Variants in STAT5B observed in about 807,000 individuals in gnomAD.
STAT5B encodes signal transducer and activator of transcription 5B.
In STAT5B, 21 loss-of-function variants were observed where a neutral mutation model predicts 107.8. The ratio of observed to expected loss-of-function variants is 0.19; its 90% CI spans 0.14 to 0.28. The LOEUF (loss-of-function observed/expected upper bound fraction) is 0.28, where lower values mean the gene tolerates loss of function less well. STAT5B is among the 10% of genes least tolerant of loss of function. The probability of loss-of-function intolerance (pLI) is 1.00; values close to 1 mark genes in which losing one functional copy is unlikely to be tolerated. For synonymous variants in STAT5B, 325 were observed against 401.7 expected (o/e 0.81, Z 2.28); for missense variants, 565 against 1,008.2 (o/e 0.56, Z 5.95).
At chr17:42,258,718 T>C (rs1216346755) in intron 1 of STAT5B, among the ~76,000 whole-genome samples, 1 of 152,156 alleles carries the variant, frequency 6.6e-6, no homozygotes, top group Non-Finnish European at 1.5e-5. Context: ...ATAAACTAAG[T>C]AGGAAGTGGC....
chr17:42,222,206 G>A (rs1317770198), intron 5 of STAT5B, among the ~76,000 whole-genome samples: 1 of 151,834 alleles, frequency 6.6e-6, no homozygotes, highest in African/African-American at 2.4e-5. Flanking sequence ...TGTGCTGTGT[G>A]TGTGTGTGTT....
At position 42,203,917 on chromosome 17, in the gene STAT5B, G is replaced by A. The variant is rs143361356; in HGVS notation, c.2078-1109C>T. On this transcript the variant is annotated intron_variant, in intron 16 of 18. Coordinates refer to ENST00000293328, the MANE Select transcript of STAT5B (RefSeq NM_012448.4). Reference sequence around the variant, plus strand: ...GCTGAGATTACAGGTGTGAGCCACGGTGCCTGGCCATCACCGGAGGTTTTC... The same window carrying A: ...GCTGAGATTACAGGTGTGAGCCACGATGCCTGGCCATCACCGGAGGTTTTC... 1.7e-3 allele frequency among the ~76,000 whole-genome samples: 251 copies of A among 152,086 alleles called. 2 individuals carry two copies. The highest frequency in any genetic ancestry group is 5.8e-3 in the African/African-American group (241 of 41,482).
At chr17:42,210,377 G>C (rs1161222848) in intron 14 of STAT5B, 26 bp downstream of exon 14, 1 of 1,614,108 alleles carries the variant, frequency 6.2e-7, no homozygotes, top group Admixed American at 1.7e-5. Context: ...GACTCTGTCG[G>C]CGCCTTAAGA....
chr17:42,239,022 G>A (rs1361288495), intron 1 of STAT5B, among the ~76,000 whole-genome samples: 1 of 151,634 alleles, frequency 6.6e-6, no homozygotes, highest in African/African-American at 2.4e-5. Flanking sequence ...GGCCGAGGTG[G>A]GTGGATCATG....
chr17:42,222,801 C>A (rs1247068507), intron 5 of STAT5B, among the ~76,000 whole-genome samples: 2 of 151,950 alleles, frequency 1.3e-5, no homozygotes, highest in South Asian at 2.1e-4. Flanking sequence ...CTTGCCTCAG[C>A]CTCCCAAGTA....
At chr17:42,279,783 A>G (rs1209872159), upstream of STAT5B, among the ~76,000 whole-genome samples, 1 of 151,624 alleles carries the variant, frequency 6.6e-6, no homozygotes, top group Non-Finnish European at 1.5e-5. Context: ...CCTGGGCAGC[A>G]AGAGCAAAAC....
Position 42,206,381 on chromosome 17 carries a change from C to T in STAT5B, c.2077+1177G>A, listed in dbSNP as rs1426142122. ...CTGGGATTACAGGCATGAGCCACCGCGCCCGGCCTGAATATGTTTCCTTGT... is the reference window on the plus strand; with the variant it reads ...CTGGGATTACAGGCATGAGCCACCGTGCCCGGCCTGAATATGTTTCCTTGT... On this transcript the variant is annotated intron_variant, in intron 16 of 18. Coordinates refer to ENST00000293328, the MANE Select transcript of STAT5B (RefSeq NM_012448.4). Among the ~76,000 whole-genome samples, 12 of 151,998 alleles carry T rather than the reference C, an allele frequency of 7.9e-5. No individual in the cohort carries two copies. In the South Asian group the frequency reaches 8.3e-4, roughly 11 times the overall value.
the STAT5B span, among the ~76,000 whole-genome samples, chr17:42,285,176 G>A: frequency 1.3e-5 from 2 of 150,362 alleles, no homozygotes; most frequent in Non-Finnish European, 3.0e-5. Flanking sequence ...TGCAACCTCC[G>A]CCTCCTGTGT....
intron 5 of STAT5B, among the ~76,000 whole-genome samples, chr17:42,222,203 T>C (rs2080235828): frequency 6.6e-6 from 1 of 150,658 alleles, no homozygotes; most frequent in Admixed American, 6.6e-5. Context: ...GTGTGTGCTG[T>C]GTGTGTGTGT....
In STAT5B at chr17:42,245,073, A is replaced by ATTTTTT. The variant is rs745914040; in HGVS notation, c.-10-12942_-10-12937dup. ...GGCATCTGCCACCAATGCCTGGCTA[A>ATTTTTT]TTTTTTTTTTTTTTTTTTTTTTGAG... On this transcript the variant is annotated intron_variant, in intron 1 of 18. Transcript: ENST00000293328. Among the ~76,000 whole-genome samples the ATTTTTT allele has an allele frequency of 4.0e-4, 42 of 105,500 alleles. 1 individual carries two copies. The highest frequency in any genetic ancestry group is 1.6e-3 in the African/African-American group (39 of 24,614). 69.2% of individuals were successfully genotyped at this position (105,500 alleles called of 152,430 possible). A position where few individuals can be genotyped will look rare whatever the true frequency, so the allele number is the denominator to read the frequency against.
chr17:42,207,199 T>C (rs1436436908), intron 16 of STAT5B, among the ~76,000 whole-genome samples: 1 of 152,166 alleles, frequency 6.6e-6, no homozygotes, highest in Non-Finnish European at 1.5e-5. Context: ...CCTTTATGTG[T>C]CTTCTGAAAA....
chr17:42,272,842 C>A (rs1206556789), intron 1 of STAT5B, among the ~76,000 whole-genome samples: 1 of 151,998 alleles, frequency 6.6e-6, no homozygotes, highest in Non-Finnish European at 1.5e-5. Flanking sequence ...AGTAATAAAA[C>A]GTCACTTCAA....
At chr17:42,286,557 C>T in the STAT5B span, among the ~76,000 whole-genome samples, 1 of 152,158 alleles carries the variant, frequency 6.6e-6, no homozygotes, top group South Asian at 2.1e-4. Context: ...CCTCTGCAGG[C>T]CCTGGAGGAG....
At chr17:42,283,269 G>A in the STAT5B span, among the ~76,000 whole-genome samples, 1 of 152,158 alleles carries the variant, frequency 6.6e-6, no homozygotes, top group African/African-American at 2.4e-5. Flanking sequence ...CCAGGACAGT[G>A]CCAATTCCAC....
intron 1 of STAT5B, among the ~76,000 whole-genome samples, chr17:42,273,806 CA>C (rs2080740927): frequency 6.6e-6 from 1 of 151,432 alleles, no homozygotes; most frequent in African/African-American, 2.5e-5. Context: ...ATAAGCCTAA[CA>C]AAAATTACAG....
intron 7 of STAT5B, 25 bp from the exon 8 acceptor site, chr17:42,218,903 A>G (rs2080198295): frequency 1.2e-6 from 2 of 1,613,716 alleles, no homozygotes; most frequent in South Asian, 2.2e-5. Context: ...CAAGGCCAAC[A>G]GGAGGACAAT....
At chr17:42,228,248 T>A (rs1436027451) in intron 2 of STAT5B, among the ~76,000 whole-genome samples, 1 of 152,182 alleles carries the variant, frequency 6.6e-6, no homozygotes, top group Non-Finnish European at 1.5e-5. Flanking sequence ...AGTCAGACAT[T>A]CATGTCACTA....
intron 6 of STAT5B, 93 bp from the exon 7 acceptor site, chr17:42,219,556 C>T: frequency 8.5e-7 from 1 of 1,171,246 alleles, no homozygotes; most frequent in Non-Finnish European, 1.2e-6. Context: ...CAGGCCGTTC[C>T]CTCTCCCCAA....
chr17:42,211,922 C>T (rs1181734487), intron 13 of STAT5B, 62 bp downstream of exon 13: 1 of 1,559,070 alleles, frequency 6.4e-7, no homozygotes. Flanking sequence ...GGCAGGGAGA[C>T]TCCTGAGAGC....
Sources: gnomAD v4.1 joint callset for allele counts (sites outside exome capture counted in the v4.1 genomes callset) on GRCh38, gnomAD v4.1.1 for gene constraint, MANE v1.5 for transcripts, NCBI Gene and HGNC (gene_info 2026-07-23, HGNC 2026-07-21) for gene names.